RALGAPB: variants seen among roughly 807,000 people sequenced by gnomAD.
RALGAPB encodes Ral GTPase activating protein non-catalytic subunit beta.
A neutral mutation model predicts 161.1 loss-of-function variants in RALGAPB; 25 were observed. The observed-to-expected ratio is 0.16, with a 90% confidence interval of 0.11 to 0.22. The LOEUF (loss-of-function observed/expected upper bound fraction) is 0.22, where lower values mean the gene tolerates loss of function less well. Among genes scored for constraint, RALGAPB ranks in the 10% least tolerant of loss-of-function variants. The pLI is 1.00. For synonymous variants in RALGAPB, 629 were observed against 626.1 expected (o/e 1.00, Z -0.07); for missense variants, 1,391 against 1,815.2 (o/e 0.77, Z 4.25).
Position 38,575,390 on chromosome 20 carries a change from C to T in RALGAPB, c.*423C>T, listed in dbSNP as rs879323312. 8.8e-5 allele frequency: 15 copies of T among 170,832 alleles called. No individual in the cohort carries two copies. Among genetic ancestry groups the T allele is most frequent in the Admixed American group, 8.7e-4 (15 of 17,264 alleles). 10.6% of individuals were successfully genotyped at this position (170,832 alleles called of 1,614,324 possible). Reference sequence around the variant, plus strand: ...TCAAAATTAAAATCTCAGAATCTTACAGGACATTTAAAGACTCATGTTGAT... The same window carrying T: ...TCAAAATTAAAATCTCAGAATCTTATAGGACATTTAAAGACTCATGTTGAT... On this transcript the variant is annotated 3_prime_UTR_variant, in exon 30 of 30. Coordinates refer to ENST00000262879, the MANE Select transcript of RALGAPB (RefSeq NM_020336.4).
intron 18 of RALGAPB, among the ~76,000 whole-genome samples, chr20:38,541,691 T>C (rs2086972712): frequency 6.6e-6 from 1 of 152,202 alleles, no homozygotes; most frequent in South Asian, 2.1e-4. Context: ...TACCATCTTG[T>C]CTGGTAGGGA....
Position 38,479,054 on chromosome 20 carries a change from A to G in RALGAPB, c.-31+5985A>G, listed in dbSNP as rs181809033. Among the ~76,000 whole-genome samples, 322 of 152,292 alleles carry G rather than the reference A, an allele frequency of 2.1e-3. 3 individuals carry two copies. The highest frequency in any genetic ancestry group is 7.3e-3 in the African/African-American group (304 of 41,568). ...GTGTGAGCCACCACATCCAGCCTCA[A>G]GTAGTTTGTTTTGTTGTATTATGCT... On this transcript the variant is annotated intron_variant, in intron 1 of 29. Transcript: ENST00000262879.
intron 23 of RALGAPB, among the ~76,000 whole-genome samples, chr20:38,561,936 G>T (rs2087800145): frequency 6.6e-6 from 1 of 152,168 alleles, no homozygotes; most frequent in South Asian, 2.1e-4. Context: ...AGGACTCTTT[G>T]TGAGGCCAGT....
chr20:38,542,613 G>T (rs190075211), intron 18 of RALGAPB, among the ~76,000 whole-genome samples: 1 of 152,234 alleles, frequency 6.6e-6, no homozygotes, highest in East Asian at 1.9e-4. Context: ...GTGTCATAGG[G>T]CTGGGCGCAG....
intron 25 of RALGAPB, among the ~76,000 whole-genome samples, chr20:38,566,721 A>G (rs1412009461): frequency 6.6e-6 from 1 of 152,226 alleles, no homozygotes; most frequent in East Asian, 1.9e-4. Context: ...TAAATAATTC[A>G]GAGAGTAATA....
chr20:38,499,417 C>T, intron 4 of RALGAPB, 30 bp from the exon 5 acceptor site: 1 of 1,544,216 alleles, frequency 6.5e-7, no homozygotes, highest in Non-Finnish European at 8.8e-7. Context: ...AATAAGTTTG[C>T]CAAAGATGTG....
Position 38,497,419 on chromosome 20 carries a change from C to T in RALGAPB, c.456C>T (p.Ala152=). ...TCCTGAGAGCCATTCAGAAACTGGCCCGTGAGTCATCTCTCATGGCCCGAG... is the reference window on the plus strand; with the variant it reads ...TCCTGAGAGCCATTCAGAAACTGGCTCGTGAGTCATCTCTCATGGCCCGAG... ...LQVLRAIQKL[A]RESSLMARET... Residue 152 remains alanine (A), a synonymous_variant, in exon 4 of 30, where the codon GCC becomes GCT. Transcript: ENST00000262879. 1 of 1,613,922 alleles carries T rather than the reference C, an allele frequency of 6.2e-7. No homozygotes were observed. Among genetic ancestry groups the T allele is most frequent in the South Asian group, 1.1e-5 (1 of 91,062 alleles).
At chr20:38,506,562 G>T (rs939495947) in intron 5 of RALGAPB, among the ~76,000 whole-genome samples, 7 of 152,144 alleles carry the variant, frequency 4.6e-5, no homozygotes, top group African/African-American at 9.7e-5. Context: ...CCAAAGTTCT[G>T]GTATTACAGG....
rs1600922379 is a variant in RALGAPB, at chr20:38,517,917, A to G, written c.1334A>G (p.Asn445Ser). ...AGACCAAAGGTTAACAGCATCTTGA[A>G]TCTCTTTGGATCATGGTTATTTGAT... Reference protein sequence around the residue: ...PRRPKVNSILNLFGSWLFDAA... With the variant: ...PRRPKVNSILSLFGSWLFDAA... The change falls in exon 9 of 30, where the codon AAT (asparagine) becomes AGT (serine). Residue 445 changes from asparagine (N) to serine (S), a missense_variant. Coordinates refer to ENST00000262879, the MANE Select transcript of RALGAPB (RefSeq NM_020336.4). 1.2e-6 allele frequency: 2 copies of G among 1,613,884 alleles called. No individual in the cohort carries two copies. Among genetic ancestry groups the G allele is most frequent in the Non-Finnish European group, 1.7e-6 (2 of 1,179,938 alleles).
chr20:38,544,364 A>G (rs1335807159), intron 18 of RALGAPB, among the ~76,000 whole-genome samples: 2 of 151,144 alleles, frequency 1.3e-5, no homozygotes, highest in Non-Finnish European at 2.9e-5. Flanking sequence ...TTTTTTTTAA[A>G]TATTACAAAG....
At chr20:38,539,989 A>G in intron 17 of RALGAPB, 31 bp downstream of exon 17, 1 of 1,575,764 alleles carries the variant, frequency 6.3e-7, no homozygotes, top group Non-Finnish European at 8.6e-7. Flanking sequence ...ACCATTAAGT[A>G]AAAACAAAAA....
At chr20:38,535,258 G>A in intron 16 of RALGAPB, 51 bp downstream of exon 16, 9 of 1,585,410 alleles carry the variant, frequency 5.7e-6, no homozygotes, top group Non-Finnish European at 7.8e-6. Context: ...GGCCTTGGCT[G>A]TTTTTTCTGT....
At chr20:38,558,631 A>C (rs1421112932) in intron 23 of RALGAPB, among the ~76,000 whole-genome samples, 178 bp downstream of exon 23, 3 of 152,216 alleles carry the variant, frequency 2.0e-5, no homozygotes, top group African/African-American at 4.8e-5. Flanking sequence ...GTTTTTAAAG[A>C]TAAAAAGGAT....
intron 9 of RALGAPB, among the ~76,000 whole-genome samples, chr20:38,520,845 T>C (rs1261375097): frequency 1.3e-5 from 2 of 152,208 alleles, no homozygotes; most frequent in Non-Finnish European, 2.9e-5. Flanking sequence ...CAAATGACCA[T>C]GATAATCTTT....
At chr20:38,491,630 A>C (rs2085283978) in intron 2 of RALGAPB, among the ~76,000 whole-genome samples, 1 of 152,218 alleles carries the variant, frequency 6.6e-6, no homozygotes, top group Non-Finnish European at 1.5e-5. Context: ...CCAGGGTTCA[A>C]GTTTTCAGCT....
chr20:38,569,678 A>T, intron 26 of RALGAPB: 1 of 483,822 alleles, frequency 2.1e-6, no homozygotes, highest in Non-Finnish European at 3.7e-6. Flanking sequence ...TTCTTTGACA[A>T]TTTTAAGCCT....
At chr20:38,529,402 C>CTG (rs2086577823) in intron 13 of RALGAPB, among the ~76,000 whole-genome samples, 1 of 151,752 alleles carries the variant, frequency 6.6e-6, no homozygotes, top group Non-Finnish European at 1.5e-5. Flanking sequence ...CCTGTAGTCT[C>CTG]AGCTACTTGG....
chr20:38,492,271 G>C (rs1374366993), intron 2 of RALGAPB, among the ~76,000 whole-genome samples: 1 of 152,188 alleles, frequency 6.6e-6, no homozygotes, highest in African/African-American at 2.4e-5. Flanking sequence ...TAGTGGTTCA[G>C]CCGTCTCTTA....
intron 18 of RALGAPB, among the ~76,000 whole-genome samples, chr20:38,543,561 T>G (rs1333707283): frequency 6.6e-6 from 1 of 152,056 alleles, no homozygotes; most frequent in African/African-American, 2.4e-5. Flanking sequence ...TCTGTTTCCT[T>G]CCTTGTTGTC....
Sources: gnomAD v4.1 joint callset for allele counts (sites outside exome capture counted in the v4.1 genomes callset) on GRCh38, gnomAD v4.1.1 for gene constraint, MANE v1.5 for transcripts, NCBI Gene and HGNC (gene_info 2026-07-23, HGNC 2026-07-21) for gene names.